The following SNX29 variants were observed in gnomAD, a reference collection of about 807,000 sequenced individuals.
The protein encoded by SNX29 is sorting nexin-29.
A neutral mutation model predicts 102.1 loss-of-function variants in SNX29; 78 were observed. The observed-to-expected ratio is 0.76, with a 90% CI of 0.64 to 0.92. SNX29 has a LOEUF of 0.92. SNX29 is among the 40% of genes least tolerant of loss of function. The pLI, the probability that SNX29 is intolerant of heterozygous loss-of-function variation, is 0.00. For missense variants in SNX29, 1,280 were observed against 1,061.7 expected (o/e 1.21, Z -2.86); for synonymous variants, 580 against 414.5 (o/e 1.40, Z -4.85).
intron 3 of SNX29, among the ~76,000 whole-genome samples, chr16:12,025,302 CAAAAAA>C (rs35724715): frequency 5.0e-5 from 3 of 60,596 alleles, no homozygotes; most frequent in African/African-American, 1.4e-4. Context: ...AACTCCATCT[CAAAAAA>C]AAAAAAAAAA....
chr16:12,126,740 A>G (rs1261589781), intron 12 of SNX29, 44 bp downstream of exon 12: 2 of 1,606,328 alleles, frequency 1.2e-6, no homozygotes, highest in Non-Finnish European at 1.7e-6. Flanking sequence ...TTTCTTTGAC[A>G]TTCTGCCTCT....
chr16:12,205,460 C>T (rs778402006), intron 14 of SNX29, among the ~76,000 whole-genome samples: 1 of 152,180 alleles, frequency 6.6e-6, no homozygotes, highest in Non-Finnish European at 1.5e-5. Flanking sequence ...TGGCTCTTCC[C>T]TAAGTTCCAA....
At position 12,571,555 on chromosome 16, in the gene SNX29, A is replaced by G. The variant is rs541397692; in HGVS notation, c.*2926A>G. 1.0e-6 allele frequency: 1 copy of G among 988,172 alleles called. No homozygotes were observed. The highest frequency in any genetic ancestry group is 1.2e-6 in the Non-Finnish European group (1 of 809,594). 61.2% of individuals were successfully genotyped at this position (988,172 alleles called of 1,614,324 possible). A position where few individuals can be genotyped will look rare whatever the true frequency, so the allele number is the denominator to read the frequency against. On this transcript the variant is annotated 3_prime_UTR_variant, in exon 21 of 21. Coordinates refer to ENST00000566228, the MANE Select transcript of SNX29 (RefSeq NM_032167.5). ...CACCCTTTGCTGGGAGGAAGAATCC[A>G]CACCGAATCCTTCTGTCTTCATGGC...
chr16:12,149,192 TG>T (rs1597046793), intron 13 of SNX29, among the ~76,000 whole-genome samples: 1 of 152,332 alleles, frequency 6.6e-6, no homozygotes, highest in Admixed American at 6.5e-5. Context: ...AAGTGGCTGC[TG>T]GAGCCCCAGC....
intron 11 of SNX29, chr16:12,087,781 A>G (rs1020318890): frequency 6.7e-6 from 3 of 448,336 alleles, no homozygotes; most frequent in Admixed American, 4.7e-5. Flanking sequence ...TCACACAGCC[A>G]AACTTCTGGG....
chr16:12,281,837 G>A lies in SNX29; in HGVS notation c.1782+3801G>A, dbSNP rs189945117. The stretch of plus-strand genomic sequence containing the variant: ...TGTAATCCCAGCACTTTGAGAGAAC[G>A]AGGCGGGTGGATCACTTCAGACTAG... On this transcript the variant is annotated intron_variant, in intron 15 of 20. Transcript: ENST00000566228. Among the ~76,000 whole-genome samples the A allele has an allele frequency of 8.5e-4, 129 of 152,198 alleles. 1 individual carries two copies. In the Middle Eastern group the frequency reaches 0.017, roughly 20 times the overall value.
chr16:12,217,707 C>T (rs1236149539), intron 14 of SNX29, among the ~76,000 whole-genome samples: 2 of 152,136 alleles, frequency 1.3e-5, no homozygotes, highest in East Asian at 1.9e-4. Flanking sequence ...ATTGGATTTA[C>T]CATGGGCATA....
intron 18 of SNX29, among the ~76,000 whole-genome samples, chr16:12,406,043 A>G (rs1271478930): frequency 3.9e-5 from 6 of 152,174 alleles, no homozygotes; most frequent in Non-Finnish European, 7.4e-5. Flanking sequence ...AAAAAAAGAA[A>G]ACAAGTATGC....
At chr16:12,376,020 G>C (rs1178419559) in intron 16 of SNX29, 1 of 110,636 alleles carries the variant, frequency 9.0e-6, no homozygotes, top group Admixed American at 1.3e-4. Context: ...GTGACAGAGC[G>C]AGACTCCGTC....
At chr16:12,488,659 G>T (rs1567615350) in intron 19 of SNX29, among the ~76,000 whole-genome samples, 1 of 152,132 alleles carries the variant, frequency 6.6e-6, no homozygotes, top group Admixed American at 6.5e-5. Flanking sequence ...TCACTTCCAG[G>T]ACACTGTCAT....
chr16:12,362,162 A>G (rs1252104201), intron 16 of SNX29, among the ~76,000 whole-genome samples: 2 of 152,250 alleles, frequency 1.3e-5, no homozygotes, highest in Non-Finnish European at 2.9e-5. Context: ...TGAACTGACA[A>G]AACCGTAATG....
chr16:12,526,956 C>A (rs988896048), intron 20 of SNX29: 1 of 395,994 alleles, frequency 2.5e-6, no homozygotes, highest in Admixed American at 4.0e-5. Flanking sequence ...CTAATTAGCA[C>A]GCAGAACAGA....
At chr16:12,407,849 A>C (rs577267446) in intron 18 of SNX29, among the ~76,000 whole-genome samples, 80 of 152,316 alleles carry the variant, frequency 5.3e-4, no homozygotes, top group African/African-American at 1.9e-3. Flanking sequence ...GCATGATGGC[A>C]TGTGCCTGTA....
intron 16 of SNX29, chr16:12,376,091 C>G (rs930013039): frequency 6.8e-6 from 1 of 146,238 alleles, no homozygotes; most frequent in African/African-American, 2.5e-5. Context: ...CTACTCTAAT[C>G]TGTTCATTAG....
chr16:12,470,467 T>A (rs1407304254), intron 18 of SNX29, among the ~76,000 whole-genome samples: 1 of 152,218 alleles, frequency 6.6e-6, no homozygotes, highest in Admixed American at 6.5e-5. Context: ...ACCTGGGGGC[T>A]TGCGTGGCAG....
chr16:12,172,229 G>A (rs2076165389), intron 13 of SNX29, among the ~76,000 whole-genome samples: 1 of 152,174 alleles, frequency 6.6e-6, no homozygotes, highest in African/African-American at 2.4e-5. Context: ...TTCTGAAAAG[G>A]AAGATGGCAA....
chr16:12,344,269 G>T (rs1042798514), intron 15 of SNX29, among the ~76,000 whole-genome samples: 3 of 152,172 alleles, frequency 2.0e-5, no homozygotes, highest in African/African-American at 7.2e-5. Flanking sequence ...AAGGGAGAGG[G>T]TTTATAAAAT....
intron 20 of SNX29, among the ~76,000 whole-genome samples, chr16:12,562,026 A>C (rs892840306): frequency 5.9e-5 from 9 of 152,054 alleles, no homozygotes; most frequent in Admixed American, 5.9e-4. Flanking sequence ...CTGGCCCCTC[A>C]TGGATTTAGG....
At chr16:11,989,380 G>T (rs2055755278) in intron 1 of SNX29, among the ~76,000 whole-genome samples, 1 of 152,204 alleles carries the variant, frequency 6.6e-6, no homozygotes, top group Admixed American at 6.5e-5. Flanking sequence ...TCTGCATGCA[G>T]AGCCTGTCTC....
Sources: gnomAD v4.1 joint callset for allele counts (sites outside exome capture counted in the v4.1 genomes callset) on GRCh38, gnomAD v4.1.1 for gene constraint, MANE v1.5 for transcripts, NCBI Gene and HGNC (gene_info 2026-07-23, HGNC 2026-07-21) for gene names.